Variants in WDR70 observed in about 807,000 individuals in gnomAD.
The protein encoded by WDR70 is WD repeat-containing protein 70.
Under a neutral mutation model 88.6 loss-of-function variants are expected in WDR70, and 53 were observed. That is an observed-to-expected ratio of 0.60 (90% CI 0.48 to 0.75). WDR70 has a LOEUF of 0.75. WDR70 is among the 30% of genes least tolerant of loss of function. The pLI, the probability that WDR70 is intolerant of heterozygous loss-of-function variation, is 0.00. For synonymous variants in WDR70, 280 were observed against 270.0 expected, an observed-to-expected ratio of 1.04 and a Z score of -0.36; for missense variants, 610 against 823.2, an observed-to-expected ratio of 0.74 and a Z score of 3.17.
At chr5:37,721,016 A>T in intron 13 of WDR70, 99 bp from the exon 14 acceptor site, 1 of 963,420 alleles carries the variant, frequency 1.0e-6, no homozygotes, top group Admixed American at 2.0e-5. Context: ...AACCATCAGG[A>T]TGATATTTGA....
intron 4 of WDR70, 57 bp downstream of exon 4, chr5:37,392,177 G>GTTTTTTTTTTTT: frequency 7.6e-7 from 1 of 1,310,516 alleles, no homozygotes; most frequent in Non-Finnish European, 1.0e-6. Flanking sequence ...TGTTTATAGA[G>GTTTTTTTTTTTT]TTTTTTTTTT....
chr5:37,448,806 C>T (rs1738576201), intron 7 of WDR70, among the ~76,000 whole-genome samples: 1 of 152,106 alleles, frequency 6.6e-6, no homozygotes, highest in Non-Finnish European at 1.5e-5. Context: ...TGTTTAGTCC[C>T]TGACTGTTTC....
At chr5:37,619,444 A>C (rs956250255) in intron 10 of WDR70, among the ~76,000 whole-genome samples, 1 of 152,190 alleles carries the variant, frequency 6.6e-6, no homozygotes, top group Non-Finnish European at 1.5e-5. Context: ...TTCCTGAGCC[A>C]TGTTTCTCAG....
chr5:37,392,720 C>T (rs1748877250), intron 4 of WDR70, among the ~76,000 whole-genome samples: 1 of 152,154 alleles, frequency 6.6e-6, no homozygotes, highest in African/African-American at 2.4e-5. Flanking sequence ...TCTGGGCTCA[C>T]TGCAACCTCT....
At chr5:37,546,218 A>G (rs576307232) in intron 9 of WDR70, among the ~76,000 whole-genome samples, 1 of 149,048 alleles carries the variant, frequency 6.7e-6, no homozygotes, top group African/African-American at 2.6e-5. Context: ...CATACGTTTA[A>G]TATATAAAAC....
At chr5:37,522,324 A>G (rs1741119759) in intron 9 of WDR70, among the ~76,000 whole-genome samples, 1 of 151,906 alleles carries the variant, frequency 6.6e-6, no homozygotes, top group South Asian at 2.1e-4. Flanking sequence ...ACAAAAAATT[A>G]GCTGGGCATG....
chr5:37,497,648 A>G (rs926621102), intron 8 of WDR70, among the ~76,000 whole-genome samples: 1 of 151,984 alleles, frequency 6.6e-6, no homozygotes, highest in Non-Finnish European at 1.5e-5. Context: ...TGCCCTCGAT[A>G]ATAGGTATTT....
chr5:37,679,603 G>A (rs1196098676), intron 10 of WDR70, among the ~76,000 whole-genome samples: 1 of 152,214 alleles, frequency 6.6e-6, no homozygotes. Flanking sequence ...TTTTGTCTCA[G>A]AGGAGTACCC....
At position 37,639,970 on chromosome 5, in the gene WDR70, A is replaced by G. The variant is rs143255282; in HGVS notation, c.1092+34732A>G. Among the ~76,000 whole-genome samples, 9 of 152,262 alleles carry G rather than the reference A, an allele frequency of 5.9e-5. No individual in the cohort carries two copies. In the East Asian group the frequency reaches 1.5e-3, roughly 26 times the overall value. ...TACTATTATTCTCACTTCGCAGATG[A>G]GAAAACTAAGGCTTAAAGAGGTTAA... On this transcript the variant is annotated intron_variant, in intron 10 of 17. Transcript: ENST00000265107.
intron 10 of WDR70, among the ~76,000 whole-genome samples, chr5:37,678,921 T>C (rs1259004102): frequency 6.6e-6 from 1 of 152,208 alleles, no homozygotes. Flanking sequence ...CTTGGAGGCT[T>C]TGTTCGTTTC....
chr5:37,401,292 G>T (rs1402743163), intron 5 of WDR70, among the ~76,000 whole-genome samples: 1 of 145,312 alleles, frequency 6.9e-6, no homozygotes, highest in Non-Finnish European at 1.5e-5. Flanking sequence ...TTACAGGCTT[G>T]AGTCACTGCC....
intron 10 of WDR70, among the ~76,000 whole-genome samples, chr5:37,642,549 A>G (rs1214663011): frequency 1.3e-5 from 2 of 152,160 alleles, no homozygotes; most frequent in African/African-American, 4.8e-5. Flanking sequence ...TGTTACAAAC[A>G]AATCAGTTTG....
intron 14 of WDR70, chr5:37,721,748 G>T: frequency 6.5e-6 from 1 of 152,746 alleles, no homozygotes; most frequent in Non-Finnish European, 1.5e-5. Context: ...TCAAAAGTCT[G>T]AAAACGTAAC....
chr5:37,384,660 CAAA>C (rs70978807), intron 3 of WDR70, among the ~76,000 whole-genome samples: 4 of 59,468 alleles, frequency 6.7e-5, no homozygotes, highest in African/African-American at 7.5e-5. Flanking sequence ...ACTCTTGTCT[CAAA>C]AAAAAAAAAA....
chr5:37,543,754 G>T (rs1741904106), intron 9 of WDR70, among the ~76,000 whole-genome samples: 11 of 151,862 alleles, frequency 7.2e-5, no homozygotes, highest in Admixed American at 6.6e-4. Context: ...ATTATAGTTT[G>T]TTGCACTCTA....
At chr5:37,448,615 G>C (rs1253207419) in intron 7 of WDR70, among the ~76,000 whole-genome samples, 1 of 152,122 alleles carries the variant, frequency 6.6e-6, no homozygotes, top group Non-Finnish European at 1.5e-5. Flanking sequence ...AGATAGTACA[G>C]AGTTTATGCA....
intron 10 of WDR70, among the ~76,000 whole-genome samples, chr5:37,610,315 T>C (rs1272325403): frequency 6.6e-6 from 1 of 152,000 alleles, no homozygotes; most frequent in Non-Finnish European, 1.5e-5. Context: ...AATTTGAAGC[T>C]TGTTTTTTTA....
At chr5:37,490,628 G>A (rs1475802866) in intron 8 of WDR70, among the ~76,000 whole-genome samples, 1 of 152,120 alleles carries the variant, frequency 6.6e-6, no homozygotes, top group East Asian at 1.9e-4. Context: ...CCTGGCTGCA[G>A]CAGCAGGCAG....
intron 8 of WDR70, chr5:37,506,454 G>C (rs1053449972): frequency 1.8e-5 from 14 of 767,082 alleles, no homozygotes; most frequent in Non-Finnish European, 2.9e-5. Context: ...AATTAAGAAG[G>C]CTCCTCTATG....
Sources: allele counts gnomAD v4.1 joint callset (sites outside exome capture counted in the v4.1 genomes callset), GRCh38; gene constraint gnomAD v4.1.1; transcripts MANE v1.5; gene names NCBI Gene and HGNC (gene_info 2026-07-23, HGNC 2026-07-21).